Variants in SLC4A4 observed in about 807,000 individuals in gnomAD.
SLC4A4 encodes electrogenic sodium bicarbonate cotransporter 1.
In SLC4A4, 27 loss-of-function variants were observed where a neutral mutation model predicts 111.5. That is an observed-to-expected ratio of 0.24 (90% CI 0.18 to 0.33). The LOEUF (loss-of-function observed/expected upper bound fraction) is 0.33, where lower values mean the gene tolerates loss of function less well. Among genes scored for constraint, SLC4A4 ranks in the 10% least tolerant of loss-of-function variants. The probability of loss-of-function intolerance (pLI) is 1.00; values close to 1 mark genes in which losing one functional copy is unlikely to be tolerated. For synonymous variants in SLC4A4, 443 were observed against 463.4 expected (o/e 0.96, Z 0.57); for missense variants, 909 against 1,315.5 (o/e 0.69, Z 4.78).
intron 1 of SLC4A4, among the ~76,000 whole-genome samples, chr4:71,088,718 T>C (rs6823911): frequency 0.23 from 34,788 of 151,896 alleles, 4,140 homozygotes; most frequent in South Asian, 0.24. Flanking sequence ...TCTTTAAGAA[T>C]GTTGAATATT....
chr4:71,350,270 A>T (rs529869472), intron 5 of SLC4A4, among the ~76,000 whole-genome samples, 198 bp downstream of exon 5: 2 of 152,290 alleles, frequency 1.3e-5, no homozygotes, highest in South Asian at 4.1e-4. Flanking sequence ...ATAGAAAACT[A>T]TCTTCCATAA....
intron 2 of SLC4A4, among the ~76,000 whole-genome samples, chr4:71,179,407 G>A (rs1745210768): frequency 6.6e-6 from 1 of 152,212 alleles, no homozygotes; most frequent in Non-Finnish European, 1.5e-5. Flanking sequence ...AACAGAGGAA[G>A]TCAAATTGTC....
intron 16 of SLC4A4, among the ~76,000 whole-genome samples, chr4:71,530,863 A>G (rs1315262746): frequency 6.6e-6 from 1 of 152,078 alleles, no homozygotes; most frequent in East Asian, 1.9e-4. Flanking sequence ...TCAGCCCATC[A>G]CTGATCTCCC....
chr4:71,214,104 T>C (rs761224889), intron 1 of SLC4A4, among the ~76,000 whole-genome samples: 1 of 152,154 alleles, frequency 6.6e-6, no homozygotes, highest in Non-Finnish European at 1.5e-5. Flanking sequence ...CCAGATGTAC[T>C]GGGGTTTTGT....
At chr4:71,240,798 A>C (rs1295798374) in intron 2 of SLC4A4, among the ~76,000 whole-genome samples, 6 of 152,340 alleles carry the variant, frequency 3.9e-5, no homozygotes, top group Middle Eastern at 6.8e-3. Flanking sequence ...ATACTCTGAC[A>C]TATTTTTTAA....
intron 16 of SLC4A4, among the ~76,000 whole-genome samples, chr4:71,523,372 C>G (rs1173283171): frequency 6.6e-6 from 1 of 151,984 alleles, no homozygotes. Context: ...TTAAGAATGA[C>G]AAAGGGATAT....
At chr4:71,343,758 T>C (rs763154524) in intron 4 of SLC4A4, among the ~76,000 whole-genome samples, 2 of 152,216 alleles carry the variant, frequency 1.3e-5, no homozygotes, top group Non-Finnish European at 2.9e-5. Context: ...TTTCATCTGC[T>C]CTTACTTCCT....
intron 1 of SLC4A4, among the ~76,000 whole-genome samples, chr4:71,208,418 G>T (rs565877509): frequency 1.5e-3 from 209 of 144,008 alleles, no homozygotes; most frequent in African/African-American, 5.4e-3. Context: ...GCGACAGGGT[G>T]AGACTCCGTC....
intron 3 of SLC4A4, among the ~76,000 whole-genome samples, chr4:71,293,998 A>C (rs953542308): frequency 1.3e-5 from 2 of 152,206 alleles, no homozygotes; most frequent in Non-Finnish European, 2.9e-5. Flanking sequence ...TGATAAAGAA[A>C]TTCTGAGAAA....
chr4:71,064,030 A>G (rs1459020208), intron 1 of SLC4A4, among the ~76,000 whole-genome samples: 7 of 152,206 alleles, frequency 4.6e-5, no homozygotes, highest in Non-Finnish European at 4.4e-5. Context: ...GTATCAAAAT[A>G]TCTCAGGTAC....
intron 1 of SLC4A4, among the ~76,000 whole-genome samples, chr4:71,092,093 A>T (rs1742406958): frequency 6.6e-6 from 1 of 152,198 alleles, no homozygotes; most frequent in Non-Finnish European, 1.5e-5. Flanking sequence ...TACTACTCAT[A>T]GTTACTACTC....
chr4:71,496,048 C>T (rs1313665373), intron 15 of SLC4A4, among the ~76,000 whole-genome samples: 2 of 151,978 alleles, frequency 1.3e-5, no homozygotes, highest in East Asian at 1.9e-4. Context: ...AGTATAAGGG[C>T]GATCTGTGCA....
chr4:71,242,629 T>C (rs1033223496), intron 2 of SLC4A4, among the ~76,000 whole-genome samples: 3 of 152,066 alleles, frequency 2.0e-5, no homozygotes, highest in African/African-American at 7.2e-5. Context: ...CTGTTGTTTT[T>C]CTTTCTGATG....
intron 18 of SLC4A4, among the ~76,000 whole-genome samples, chr4:71,541,696 A>C (rs1468366481): frequency 1.5e-5 from 2 of 137,174 alleles, no homozygotes; most frequent in Non-Finnish European, 3.1e-5. Flanking sequence ...GTCTGGCAGC[A>C]GTGAGGATGG....
At chr4:71,317,859 A>G (rs1266628692) in intron 3 of SLC4A4, among the ~76,000 whole-genome samples, 1 of 152,144 alleles carries the variant, frequency 6.6e-6, no homozygotes, top group East Asian at 1.9e-4. Flanking sequence ...CATATCATAT[A>G]TGAATATAGA....
chr4:71,295,711 T>G (rs1578775732), intron 3 of SLC4A4, among the ~76,000 whole-genome samples: 1 of 151,828 alleles, frequency 6.6e-6, no homozygotes, highest in East Asian at 1.9e-4. Context: ...CAGGCTGGAG[T>G]GCAATGGTGT....
At chr4:71,142,209 A>T (rs1744016099) in intron 2 of SLC4A4, among the ~76,000 whole-genome samples, 1 of 152,264 alleles carries the variant, frequency 6.6e-6, no homozygotes. Flanking sequence ...TAGCTTTAGG[A>T]CAGAGCTTCT....
upstream of SLC4A4, among the ~76,000 whole-genome samples, chr4:71,186,061 T>G (rs78669944): frequency 0.072 from 11,030 of 152,280 alleles, 1,314 homozygotes; most frequent in African/African-American, 0.25. Context: ...GCTGACAGTC[T>G]GTTCATATCT....
Position 71,487,025 on chromosome 4 carries a change from G to T in SLC4A4, c.1974+7G>T. 1 of 1,547,392 alleles carries T rather than the reference G, an allele frequency of 6.5e-7. No individual in the cohort carries two copies. Among genetic ancestry groups the T allele is most frequent in the South Asian group, 1.1e-5 (1 of 89,620 alleles). ...TATGTCTTCTACTGACATGGTAAGT[G>T]ACTTACTATTTTAAATTACCTTCAT... On this transcript the variant is annotated splice_region_variant and intron_variant, in intron 15 of 25. Transcript: ENST00000264485.
Sources: allele counts gnomAD v4.1 joint callset (sites outside exome capture counted in the v4.1 genomes callset), GRCh38; gene constraint gnomAD v4.1.1; transcripts MANE v1.5; gene names NCBI Gene and HGNC (gene_info 2026-07-23, HGNC 2026-07-21).